TMEM18: variants seen among roughly 807,000 people sequenced by gnomAD.
The protein encoded by TMEM18 is transmembrane protein 18.
A neutral mutation model predicts 17.4 loss-of-function variants in TMEM18; 14 were observed. The ratio of observed to expected loss-of-function variants is 0.80; its 90% CI spans 0.53 to 1.25. TMEM18 has a LOEUF of 1.25. Ranked by LOEUF, TMEM18 falls within the 50% of genes most tolerant of loss-of-function variation. The pLI is 0.00. For synonymous variants in TMEM18, 86 were observed against 66.1 expected, an observed-to-expected ratio of 1.30 and a Z score of -1.46; for missense variants, 187 against 172.1, an observed-to-expected ratio of 1.09 and a Z score of -0.48.
Position 669,327 on chromosome 2 carries a change from A to T in TMEM18, c.*253T>A, listed in dbSNP as rs1678774885. ...CTTCAAATCAAATTCCCAGTTATGA[A>T]GCTCTGCAGAGACCGTTCCCACAGC... On this transcript the variant is annotated 3_prime_UTR_variant, in exon 5 of 5. Coordinates refer to ENST00000281017, the MANE Select transcript of TMEM18 (RefSeq NM_152834.4). 1 of 481,682 alleles carries T rather than the reference A, an allele frequency of 2.1e-6. No homozygotes were observed. The allele number at this position is 481,682 out of a possible 1,614,324, so 29.8% of individuals were successfully genotyped here.
In TMEM18 at chr2:669,571, T is replaced by C; in HGVS notation, c.*9A>G. ...GGGAAGGACGCAAACTCCAAGCAGC[T>C]GCTGCCCCTCAGTCTTCTTTCCTTC... On this transcript the variant is annotated 3_prime_UTR_variant, in exon 5 of 5. Transcript: ENST00000281017. The C allele has an allele frequency of 6.2e-7, 1 of 1,614,122 alleles. No homozygotes were observed. The highest frequency in any genetic ancestry group is 1.1e-5 in the South Asian group (1 of 91,080).
chr2:669,942 T>C (rs1487968490), intron 3 of TMEM18, 92 bp from the exon 4 acceptor site: 2 of 997,738 alleles, frequency 2.0e-6, no homozygotes, highest in African/African-American at 1.6e-5. Context: ...TGGAGAGAGC[T>C]GATGTGGACT....
chr2:675,954 G>A (rs1572414201), intron 1 of TMEM18: 3 of 1,354,068 alleles, frequency 2.2e-6, no homozygotes, highest in East Asian at 4.0e-5. Flanking sequence ...TTTAAGGTGG[G>A]TATAATTAAA....
At position 666,075 on chromosome 2, in the gene TMEM18, A is replaced by G. The variant is rs1396270236; in HGVS notation, c.*3505T>C. Reference sequence around the variant, plus strand: ...ATCAACCCTACACACAACAGGACCCATGGAGGCAGATGCCCAGCTCACTCA... The same window carrying G: ...ATCAACCCTACACACAACAGGACCCGTGGAGGCAGATGCCCAGCTCACTCA... On this transcript the variant is annotated 3_prime_UTR_variant, in exon 5 of 5. Transcript: ENST00000281017. Among the ~76,000 whole-genome samples, 1 of 152,146 alleles carries G rather than the reference A, an allele frequency of 6.6e-6. No individual in the cohort carries two copies. The highest frequency in any genetic ancestry group is 1.5e-5 in the Non-Finnish European group (1 of 68,030).
rs1049165741 is a variant in TMEM18, at chr2:666,433, A to C, written c.*3147T>G. Among the ~76,000 whole-genome samples the C allele has an allele frequency of 1.3e-5, 2 of 152,192 alleles. No individual in the cohort carries two copies. The highest frequency in any genetic ancestry group is 1.9e-4 in the East Asian group (1 of 5,192). Reference sequence around the variant, plus strand: ...ACACCTTCCCCCAAAGCGAGGAAAGATCTAACTGTACAGGCCGCTGTGAAA... The same window carrying C: ...ACACCTTCCCCCAAAGCGAGGAAAGCTCTAACTGTACAGGCCGCTGTGAAA... On this transcript the variant is annotated 3_prime_UTR_variant, in exon 5 of 5. Transcript: ENST00000281017.
At chr2:675,144 T>C (rs1187680569) in intron 2 of TMEM18, among the ~76,000 whole-genome samples, 1 of 152,212 alleles carries the variant, frequency 6.6e-6, no homozygotes. Context: ...GCACAGAACT[T>C]TTCTTTCCCA....
At chr2:676,819 C>T in intron 1 of TMEM18, 1 of 650,712 alleles carries the variant, frequency 1.5e-6, no homozygotes, top group South Asian at 1.9e-5. Flanking sequence ...AAGCCCCGCC[C>T]GCAAGACGCT....
intron 3 of TMEM18, chr2:670,633 T>C (rs1226514795): frequency 6.6e-6 from 1 of 152,456 alleles, no homozygotes; most frequent in Non-Finnish European, 1.5e-5. Context: ...TTACACTCTA[T>C]ACCATGGGAG....
rs1235104390 is a variant in TMEM18 at position 677,341 on chromosome 2, G to T, written c.5C>A (p.Pro2Gln). ...GAAAGAGCTGACAGAGAAGGCGGAC[G>T]GCATGGTGTTGGGAAGCCCGCTCTC... M[P>Q]SAFSVSSFPV... The change falls in exon 1 of 5, where the codon CCG becomes CAG. Residue 2 changes from proline to glutamine, a missense_variant. By Grantham distance (76) the Pro-to-Gln change is moderately conservative. Coordinates refer to ENST00000281017, the MANE Select transcript of TMEM18 (RefSeq NM_152834.4). 6.2e-7 allele frequency: 1 copy of T among 1,612,092 alleles called. No individual in the cohort carries two copies. Among genetic ancestry groups the T allele is most frequent in the South Asian group, 1.1e-5 (1 of 90,678 alleles).
intron 1 of TMEM18, chr2:676,281 C>T (rs922702185): frequency 3.4e-6 from 5 of 1,471,044 alleles, no homozygotes; most frequent in Non-Finnish European, 4.5e-6. Flanking sequence ...TAGCCAGGCT[C>T]AGATCCACTG....
intron 1 of TMEM18, chr2:676,363 C>T: frequency 1.4e-6 from 2 of 1,417,434 alleles, no homozygotes; most frequent in South Asian, 1.4e-5. Flanking sequence ...CCTCCTTGAG[C>T]GCCCTCCTGC....
At chr2:673,137 G>A (rs969384238) in intron 2 of TMEM18, among the ~76,000 whole-genome samples, 7 of 152,318 alleles carry the variant, frequency 4.6e-5, no homozygotes, top group Admixed American at 6.5e-5. Context: ...GGAGCCGCCC[G>A]AGGCCCCAGG....
chr2:676,092 T>A, intron 1 of TMEM18: 1 of 1,321,890 alleles, frequency 7.6e-7, no homozygotes. Context: ...CATTTCAGAC[T>A]CCTTAGTCAG....
chr2:669,608 T>G lies in TMEM18; in HGVS notation c.395A>C (p.Glu132Ala). 6.2e-7 allele frequency: 1 copy of G among 1,614,238 alleles called. No individual in the cohort carries two copies. Among genetic ancestry groups the G allele is most frequent in the Non-Finnish European group, 8.5e-7 (1 of 1,180,038 alleles). The change falls in exon 5 of 5, where the codon GAA becomes GCA. Residue 132 changes from glutamate to alanine, a missense_variant. Physicochemically the swap from Glu to Ala is moderately radical, Grantham distance 107. Coordinates refer to ENST00000281017, the MANE Select transcript of TMEM18 (RefSeq NM_152834.4). ...GTCTTCTTTCCTTCTCCTTTTCTTTTCCTTTCTTCTCTCTTGTGCATTCTT... is the reference window on the plus strand; with the variant it reads ...GTCTTCTTTCCTTCTCCTTTTCTTTGCCTTTCTTCTCTCTTGTGCATTCTT... Reference protein sequence around the residue: ...DLKNAQERRKEKKRRRKED With the variant: ...DLKNAQERRKAKKRRRKED
chr2:677,254 C>A (rs1176011386), intron 1 of TMEM18, 35 bp downstream of exon 1: 3 of 1,599,312 alleles, frequency 1.9e-6, no homozygotes, highest in Non-Finnish European at 1.7e-6. Context: ...CCGCCGTCCT[C>A]CCCCGAACTG....
chr2:672,188 A>G (rs998431133), intron 3 of TMEM18, among the ~76,000 whole-genome samples: 1 of 152,160 alleles, frequency 6.6e-6, no homozygotes, highest in African/African-American at 2.4e-5. Flanking sequence ...TATATTTTAA[A>G]ACGTAAAAGC....
intron 2 of TMEM18, among the ~76,000 whole-genome samples, chr2:674,553 T>A (rs145642858): frequency 6.6e-6 from 1 of 152,330 alleles, no homozygotes; most frequent in African/African-American, 2.4e-5. Context: ...GAGCCCTGTC[T>A]GCCTGGTCCA....
chr2:669,582 A>G lies in TMEM18; in HGVS notation c.421T>C (p.Ter141ArgextTer42). The G allele has an allele frequency of 6.2e-7, 1 of 1,614,194 alleles. No homozygotes were observed. Among genetic ancestry groups the G allele is most frequent in the Non-Finnish European group, 8.5e-7 (1 of 1,180,020 alleles). Residue 141 changes from the stop codon to arginine, a stop_lost, in exon 5 of 5, where the codon TGA becomes CGA. Transcript: ENST00000281017. The stretch of plus-strand genomic sequence containing the variant: ...AAACTCCAAGCAGCTGCTGCCCCTC[A>G]GTCTTCTTTCCTTCTCCTTTTCTTT... The part of the protein sequence containing the change: ...KEKKRRRKED[*>R]
chr2:675,478 C>G (rs781219653), intron 2 of TMEM18, 32 bp downstream of exon 2: 1 of 1,613,868 alleles, frequency 6.2e-7, no homozygotes, highest in Non-Finnish European at 8.5e-7. Flanking sequence ...ACACAGTGAT[C>G]TGAGTTGTGG....
Sources: gnomAD v4.1 joint callset for allele counts (sites outside exome capture counted in the v4.1 genomes callset) on GRCh38, gnomAD v4.1.1 for gene constraint, MANE v1.5 for transcripts, NCBI Gene and HGNC (gene_info 2026-07-23, HGNC 2026-07-21) for gene names.